SLIT3: variants seen among roughly 807,000 people sequenced by gnomAD.
SLIT3 encodes slit homolog 3 protein.
A neutral mutation model predicts 184.0 loss-of-function variants in SLIT3; 68 were observed. The observed-to-expected ratio is 0.37, with a 90% CI of 0.30 to 0.45. The LOEUF is 0.45. Ranked by LOEUF, SLIT3 falls within the 20% of genes least tolerant of loss-of-function variation. The pLI, the probability that SLIT3 is intolerant of heterozygous loss-of-function variation, is 1.00. For synonymous variants in SLIT3, 831 were observed against 828.6 expected (o/e 1.00, Z -0.05); for missense variants, 1,707 against 2,026.0 (o/e 0.84, Z 3.02).
intron 4 of SLIT3, among the ~76,000 whole-genome samples, chr5:169,155,711 T>G (rs914104601): frequency 6.6e-6 from 1 of 152,184 alleles, no homozygotes; most frequent in African/African-American, 2.4e-5. Flanking sequence ...GGGACATGGA[T>G]CTGACTAAGG....
chr5:168,896,883 C>T (rs765401341), intron 4 of SLIT3, among the ~76,000 whole-genome samples: 1 of 152,144 alleles, frequency 6.6e-6, no homozygotes. Context: ...CACTTCTGTG[C>T]CGGCTCAGGG....
chr5:168,815,622 A>C (rs1457850535), intron 8 of SLIT3, among the ~76,000 whole-genome samples: 1 of 152,220 alleles, frequency 6.6e-6, no homozygotes, highest in Non-Finnish European at 1.5e-5. Context: ...GTCTATAGGA[A>C]GTTATTGAGG....
At chr5:168,875,600 C>A (rs1192604826) in intron 5 of SLIT3, among the ~76,000 whole-genome samples, 1 of 151,404 alleles carries the variant, frequency 6.6e-6, no homozygotes, top group Non-Finnish European at 1.5e-5. Context: ...CGCCACTGCA[C>A]CCCGGCCTGG....
chr5:168,853,270 G>A (rs1487831582), intron 5 of SLIT3, among the ~76,000 whole-genome samples: 1 of 152,066 alleles, frequency 6.6e-6, no homozygotes, highest in East Asian at 1.9e-4. Context: ...CTCCCTTACT[G>A]AAAGAAGGAT....
chr5:168,904,546 A>G (rs984994670), intron 4 of SLIT3, among the ~76,000 whole-genome samples: 2 of 152,090 alleles, frequency 1.3e-5, no homozygotes, highest in African/African-American at 4.8e-5. Context: ...ATCATGTGCT[A>G]GTATGTTTCT....
chr5:169,027,491 C>T (rs910521340), intron 4 of SLIT3, among the ~76,000 whole-genome samples: 1 of 152,174 alleles, frequency 6.6e-6, no homozygotes, highest in African/African-American at 2.4e-5. Context: ...TATTGTAGTG[C>T]TTAATCTGTT....
intron 4 of SLIT3, among the ~76,000 whole-genome samples, chr5:169,129,944 G>T (rs1761237135): frequency 6.6e-6 from 1 of 152,102 alleles, no homozygotes; most frequent in African/African-American, 2.4e-5. Context: ...CACCTCCTGG[G>T]TTCGAGCGAT....
intron 4 of SLIT3, among the ~76,000 whole-genome samples, chr5:169,154,928 C>G (rs985950747): frequency 6.6e-6 from 1 of 152,154 alleles, no homozygotes; most frequent in Non-Finnish European, 1.5e-5. Context: ...AATCTCAGAC[C>G]AAGCCATCTT....
rs552652310 is a variant in SLIT3, at chr5:168,665,000, T to TATTA, written c.*1450_*1453dup. The TATTA allele has an allele frequency of 2.6e-4, 40 of 152,286 alleles. No individual in the cohort carries two copies. The highest frequency in any genetic ancestry group is 9.1e-4 in the African/African-American group (38 of 41,554). 9.4% of individuals were successfully genotyped at this position (152,286 alleles called of 1,614,324 possible). A position where few individuals can be genotyped will look rare whatever the true frequency, so the allele number is the denominator to read the frequency against. ...AGAACAAGAGCAGGAAAAAACATCA[T>TATTA]ATTATTTCCTTTTCCGGCAGGGCTG... is the stretch of plus-strand genomic sequence containing the variant. On this transcript the variant is annotated 3_prime_UTR_variant, in exon 36 of 36. Transcript: ENST00000519560.
chr5:168,921,140 G>T (rs967888715), intron 4 of SLIT3, among the ~76,000 whole-genome samples: 4 of 152,160 alleles, frequency 2.6e-5, no homozygotes, highest in Non-Finnish European at 5.9e-5. Context: ...AAAGGAAAAT[G>T]ATAGAAAACT....
intron 13 of SLIT3, among the ~76,000 whole-genome samples, chr5:168,773,751 T>C (rs1378729000): frequency 6.6e-6 from 1 of 151,904 alleles, no homozygotes; most frequent in Non-Finnish European, 1.5e-5. Context: ...AGAGGAAGAG[T>C]GCCCACCTCA....
intron 29 of SLIT3, 108 bp downstream of exon 29, chr5:168,692,499 T>C (rs535568588): frequency 2.9e-5 from 19 of 661,672 alleles, no homozygotes; most frequent in Non-Finnish European, 4.9e-5. Flanking sequence ...GAGAAGCACA[T>C]GAGAGAGAGA....
At chr5:168,893,408 C>T (rs1348343573) in intron 4 of SLIT3, among the ~76,000 whole-genome samples, 1 of 152,154 alleles carries the variant, frequency 6.6e-6, no homozygotes, top group African/African-American at 2.4e-5. Flanking sequence ...GGCTTTCATC[C>T]CTAATTTGAT....
intron 4 of SLIT3, among the ~76,000 whole-genome samples, chr5:169,007,555 C>T (rs1247603068): frequency 2.0e-5 from 3 of 152,196 alleles, no homozygotes; most frequent in Non-Finnish European, 2.9e-5. Context: ...TGACACATAC[C>T]TATGTGTGTG....
chr5:169,098,411 C>A (rs1340743231), intron 4 of SLIT3, among the ~76,000 whole-genome samples: 1 of 152,212 alleles, frequency 6.6e-6, no homozygotes, highest in East Asian at 1.9e-4. Context: ...AAGGTTTTGG[C>A]TCCCAAGCCC....
intron 3 of SLIT3, among the ~76,000 whole-genome samples, chr5:169,226,749 CTCTA>C (rs1764824778): frequency 6.6e-6 from 1 of 152,036 alleles, no homozygotes. Context: ...CTTACTCTGT[CTCTA>C]TCTATAGAGG....
chr5:168,688,321 G>A (rs1486784690), intron 29 of SLIT3, among the ~76,000 whole-genome samples: 1 of 152,178 alleles, frequency 6.6e-6, no homozygotes, highest in African/African-American at 2.4e-5. Flanking sequence ...ACAAAGGCAG[G>A]GAGGTGAGGG....
At chr5:168,951,163 T>C (rs1211583261) in intron 4 of SLIT3, among the ~76,000 whole-genome samples, 1 of 152,150 alleles carries the variant, frequency 6.6e-6, no homozygotes, top group Non-Finnish European at 1.5e-5. Context: ...GAGGTTGCAG[T>C]GAGCCAAGAT....
intron 4 of SLIT3, among the ~76,000 whole-genome samples, chr5:169,100,375 GA>G (rs1759963281): frequency 1.3e-5 from 2 of 152,144 alleles, no homozygotes; most frequent in Non-Finnish European, 2.9e-5. Flanking sequence ...CAAACTAGAT[GA>G]GGCTTCGTTT....
Sources: gnomAD v4.1 joint callset for allele counts (sites outside exome capture counted in the v4.1 genomes callset) on GRCh38, gnomAD v4.1.1 for gene constraint, MANE v1.5 for transcripts, NCBI Gene and HGNC (gene_info 2026-07-23, HGNC 2026-07-21) for gene names.